The following SIGLECL1 variants were observed in gnomAD, a reference collection of about 807,000 sequenced individuals.
The protein encoded by SIGLECL1 is SIGLEC family like 1.
A neutral mutation model predicts 19.1 loss-of-function variants in SIGLECL1; 16 were observed. That is an observed-to-expected ratio of 0.84 (90% CI 0.57 to 1.27). The LOEUF (loss-of-function observed/expected upper bound fraction) is 1.27, where lower values mean the gene tolerates loss of function less well. SIGLECL1 is among the 50% of genes most tolerant of loss of function. SIGLECL1 has a pLI of 0.00. For synonymous variants in SIGLECL1, 89 were observed against 90.4 expected (o/e 0.98, Z 0.09); for missense variants, 210 against 239.4 (o/e 0.88, Z 0.81).
chr19:51,268,950 CTG>C lies in SIGLECL1; in HGVS notation c.*359_*360del. ...TCAGCAAGTTACTTTTGAGCGCCTA[CTG>C]TGTGTCAGTGCCTGAGATACACCTA... On this transcript the variant is annotated 3_prime_UTR_variant, in exon 6 of 6. Coordinates refer to ENST00000601727, the MANE Select transcript of SIGLECL1 (RefSeq NM_001385465.1). The C allele has an allele frequency of 4.4e-6, 1 of 225,394 alleles. No individual in the cohort carries two copies. Among genetic ancestry groups the C allele is most frequent in the Non-Finnish European group, 8.8e-6 (1 of 114,088 alleles). 14.0% of individuals were successfully genotyped at this position (225,394 alleles called of 1,614,324 possible). A position where few individuals can be genotyped will look rare whatever the true frequency, so the allele number is the denominator to read the frequency against.
At chr19:51,266,682 G>A (rs1434871554) in intron 4 of SIGLECL1, among the ~76,000 whole-genome samples, 1 of 152,160 alleles carries the variant, frequency 6.6e-6, no homozygotes, top group Non-Finnish European at 1.5e-5. Context: ...CTAAAAATGA[G>A]GTTGAAAGAC....
chr19:51,265,109 G>A (rs1315575311), intron 2 of SIGLECL1, among the ~76,000 whole-genome samples: 1 of 152,116 alleles, frequency 6.6e-6, no homozygotes, highest in Non-Finnish European at 1.5e-5. Context: ...GCCTTGCAGG[G>A]TAGGTGAGGG....
At chr19:51,254,557 A>T (rs948761682) in intron 1 of SIGLECL1, among the ~76,000 whole-genome samples, 11 of 152,338 alleles carry the variant, frequency 7.2e-5, no homozygotes, top group African/African-American at 1.4e-4. Flanking sequence ...ATATCATTTC[A>T]TTTATATACA....
rs1983594781 is a variant in SIGLECL1 at position 51,265,660 on chromosome 19, A to G, written c.304+11A>G. ...TCCTACTGATGTCAAGTGAGGGTGG[A>G]GGGGGCTCGGTGACTGGGTGAGGAC... is the stretch of plus-strand genomic sequence containing the variant. On this transcript the variant is annotated intron_variant, in intron 3 of 5. Transcript: ENST00000601727. 2 of 1,611,778 alleles carry G rather than the reference A, an allele frequency of 1.2e-6. No homozygotes were observed. The highest frequency in any genetic ancestry group is 1.7e-6 in the Non-Finnish European group (2 of 1,178,304).
Position 51,265,765 on chromosome 19 carries a change from C to G in SIGLECL1, c.305-12C>G. The G allele has an allele frequency of 6.2e-7, 1 of 1,614,152 alleles. No homozygotes were observed. Among genetic ancestry groups the G allele is most frequent in the Non-Finnish European group, 8.5e-7 (1 of 1,180,004 alleles). On this transcript the variant is annotated splice_polypyrimidine_tract_variant and intron_variant, in intron 3 of 5. Transcript: ENST00000601727. Reference sequence around the variant, plus strand: ...TCCGATGCCAAACTTCTCACATGCTCTCTGCTTCCAGGAAAGAGTTCTTTG... The same window carrying G: ...TCCGATGCCAAACTTCTCACATGCTGTCTGCTTCCAGGAAAGAGTTCTTTG...
chr19:51,267,707 G>T (rs991527759), intron 5 of SIGLECL1, among the ~76,000 whole-genome samples, 178 bp downstream of exon 5: 3 of 150,890 alleles, frequency 2.0e-5, no homozygotes, highest in African/African-American at 7.3e-5. Context: ...GAGAGGAGAA[G>T]GATGAAAGTT....
chr19:51,250,336 A>T (rs1192142908), upstream of SIGLECL1, among the ~76,000 whole-genome samples: 1 of 152,120 alleles, frequency 6.6e-6, no homozygotes, highest in African/African-American at 2.4e-5. Context: ...CGCCCGCCTC[A>T]GCCTCCCAAA....
chr19:51,248,709 CT>C (rs1982345123), upstream of SIGLECL1, among the ~76,000 whole-genome samples: 3 of 152,236 alleles, frequency 2.0e-5, no homozygotes, highest in South Asian at 6.2e-4. Flanking sequence ...ACAAGGAAAA[CT>C]TTTATAAGGT....
At position 51,265,415 on chromosome 19, in the gene SIGLECL1, C is replaced by T. The variant is rs1983566771; in HGVS notation, c.70C>T (p.Gln24Ter). Reference sequence around the variant, plus strand: ...CTCTTGCTCCTTGGAGAAGACACTGCAGTGCAGCTGTTCCTTCCATGGGAT... The same window carrying T: ...CTCTTGCTCCTTGGAGAAGACACTGTAGTGCAGCTGTTCCTTCCATGGGAT... ...NSSCSLEKTL[Q>*]CSCSFHGIPT... Residue 24 changes from glutamine to a stop codon, truncating the protein, a stop_gained, in exon 3 of 6, where the codon CAG becomes TAG. Transcript: ENST00000601727. LOFTEE classifies it high-confidence loss of function. The T allele has an allele frequency of 6.2e-7, 1 of 1,614,082 alleles. No homozygotes were observed. Among genetic ancestry groups the T allele is most frequent in the Non-Finnish European group, 8.5e-7 (1 of 1,180,010 alleles).
chr19:51,259,195 T>C (rs922144625), intron 1 of SIGLECL1, among the ~76,000 whole-genome samples: 1 of 628 alleles, frequency 1.6e-3, no homozygotes, highest in South Asian at 0.17. Flanking sequence ...TGCGAAGACA[T>C]AGGATTACAA....
intron 1 of SIGLECL1, among the ~76,000 whole-genome samples, chr19:51,262,672 G>C (rs1983318099): frequency 6.6e-6 from 1 of 152,138 alleles, no homozygotes; most frequent in Non-Finnish European, 1.5e-5. Flanking sequence ...ACATGAGGTA[G>C]GGGTCTTATT....
In SIGLECL1 at chr19:51,268,740, T is replaced by C; in HGVS notation, c.*143T>C. 1.4e-6 allele frequency: 1 copy of C among 714,882 alleles called. No homozygotes were observed. The highest frequency in any genetic ancestry group is 2.3e-6 in the Non-Finnish European group (1 of 427,652). 44.3% of individuals were successfully genotyped at this position (714,882 alleles called of 1,614,324 possible). On this transcript the variant is annotated 3_prime_UTR_variant, in exon 6 of 6. Transcript: ENST00000601727. ...ACTCTCCTCAGCTCACAAAACCCTC[T>C]CAATTCCTACACATCCCTTAACACT...
At chr19:51,246,607 C>G (rs1020707988), upstream of SIGLECL1, among the ~76,000 whole-genome samples, 3 of 152,110 alleles carry the variant, frequency 2.0e-5, no homozygotes, top group South Asian at 2.1e-4. Flanking sequence ...GCTGACAGAG[C>G]CAGTGCCCTC....
At chr19:51,257,989 G>A (rs1279279370) in intron 1 of SIGLECL1, 4 of 152,234 alleles carry the variant, frequency 2.6e-5, no homozygotes, top group Admixed American at 1.3e-4. Context: ...TCCACAGGGA[G>A]AGGATAACTA....
At chr19:51,261,382 A>G (rs978596084) in intron 1 of SIGLECL1, among the ~76,000 whole-genome samples, 17 of 151,894 alleles carry the variant, frequency 1.1e-4, no homozygotes, top group Non-Finnish European at 1.3e-4. Flanking sequence ...TCTGCCTCCC[A>G]GGTTCATGCC....
intron 1 of SIGLECL1, among the ~76,000 whole-genome samples, chr19:51,263,295 C>A (rs1983369544): frequency 1.3e-5 from 2 of 152,214 alleles, no homozygotes; most frequent in South Asian, 4.2e-4. Context: ...GTTACTTACA[C>A]CATTCATTTC....
At chr19:51,257,410 A>G (rs1982887169) in intron 1 of SIGLECL1, among the ~76,000 whole-genome samples, 1 of 91,940 alleles carries the variant, frequency 1.1e-5, no homozygotes, top group African/African-American at 7.5e-5. Context: ...AAACTGTCTC[A>G]AAAAAAAAAA....
chr19:51,252,611 A>C (rs543483475), intron 1 of SIGLECL1, among the ~76,000 whole-genome samples: 1 of 152,204 alleles, frequency 6.6e-6, no homozygotes, highest in African/African-American at 2.4e-5. Context: ...TTGACAATGC[A>C]AAAAGAAAGT....
Position 51,251,273 on chromosome 19 carries a change from T to A in SIGLECL1, c.-463T>A, listed in dbSNP as rs1426722890. ...TGTTGGCGGTTGTTGGGTTCCTTCA[T>A]TGAAACTGCACTAACTGGGCTTCCA... On this transcript the variant is annotated 5_prime_UTR_variant, in exon 1 of 6. The change creates a new upstream start codon in the 5' untranslated region. Coordinates refer to ENST00000601727, the MANE Select transcript of SIGLECL1 (RefSeq NM_001385465.1). 6.5e-6 allele frequency: 1 copy of A among 152,894 alleles called. No homozygotes were observed. Among genetic ancestry groups the A allele is most frequent in the African/African-American group, 2.4e-5 (1 of 41,598 alleles). The allele number at this position is 152,894 out of a possible 1,614,324, so 9.5% of individuals were successfully genotyped here.
Sources: gnomAD v4.1 joint callset for allele counts (sites outside exome capture counted in the v4.1 genomes callset) on GRCh38, gnomAD v4.1.1 for gene constraint, MANE v1.5 for transcripts, NCBI Gene and HGNC (gene_info 2026-07-23, HGNC 2026-07-21) for gene names.